CEP350: variants seen among roughly 807,000 people sequenced by gnomAD.
CEP350 encodes the protein centrosomal protein 350, also known as centrosome-associated protein 350.
In CEP350, 126 loss-of-function variants were observed where a neutral mutation model predicts 331.8. That is an observed-to-expected ratio of 0.38 (90% confidence interval 0.33 to 0.44). The LOEUF (loss-of-function observed/expected upper bound fraction) is 0.44. Among genes scored for constraint, CEP350 ranks in the 20% least tolerant of loss-of-function variants. CEP350 has a pLI of 1.00. For missense variants in CEP350, 3,406 were observed against 3,634.6 expected (o/e 0.94, Z 1.62); for synonymous variants, 1,200 against 1,259.5 (o/e 0.95, Z 1.00).
In CEP350 at chr1:180,092,714, G is replaced by T; in HGVS notation, c.6609G>T (p.Gln2203His). ...GGGACAGTCGAACAGAAGATTTTCAGACCCCATCTCCAGTTCTCAGATCAT... is the reference window on the plus strand; with the variant it reads ...GGGACAGTCGAACAGAAGATTTTCATACCCCATCTCCAGTTCTCAGATCAT... ...NEWDSRTEDF[Q>H]TPSPVLRSSR... The change falls in exon 34 of 38, where the codon CAG (glutamine) becomes CAT (histidine). Residue 2203 changes from glutamine (Q) to histidine (H), a missense_variant. Coordinates refer to ENST00000367607, the MANE Select transcript of CEP350 (RefSeq NM_014810.5). 1 of 1,611,568 alleles carries T rather than the reference G, an allele frequency of 6.2e-7. No individual in the cohort carries two copies. The highest frequency in any genetic ancestry group is 8.5e-7 in the Non-Finnish European group (1 of 1,178,596).
Position 180,014,265 on chromosome 1 carries a change from GGA to G in CEP350, c.1814_1815del (p.Glu605GlyfsTer8), listed in dbSNP as rs1244352597. 1 of 1,606,240 alleles carries G rather than the reference GGA, an allele frequency of 6.2e-7. No individual in the cohort carries two copies. Among genetic ancestry groups the G allele is most frequent in the Admixed American group, 1.7e-5 (1 of 58,544 alleles). ...TACGACAGTACATTGTTAGGCAGCA[GGA>G]GGAAAGGAAGAGAAAGCAAAATGAA... ...EVRQYIVRQQ[E>X]ERKRKQNEEK... On this transcript the variant is annotated frameshift_variant, in exon 10 of 38. Transcript: ENST00000367607. LOFTEE classifies it high-confidence loss of function.
At chr1:180,083,808 CAAAAAT>C (rs1049242028) in intron 30 of CEP350, among the ~76,000 whole-genome samples, 49 of 151,326 alleles carry the variant, frequency 3.2e-4, no homozygotes, top group African/African-American at 1.1e-3. Context: ...GGAACCAAGC[CAAAAAT>C]AAAGTGTATG....
intron 37 of CEP350, among the ~76,000 whole-genome samples, chr1:180,107,561 G>A (rs369292925): frequency 3.3e-5 from 5 of 152,092 alleles, no homozygotes; most frequent in Non-Finnish European, 5.9e-5. Context: ...CCAGCTACTC[G>A]GGAGACTGAG....
intron 11 of CEP350, among the ~76,000 whole-genome samples, chr1:180,017,537 T>C (rs762076282): frequency 2.0e-5 from 3 of 152,172 alleles, no homozygotes; most frequent in Non-Finnish European, 4.4e-5. Flanking sequence ...TTATCCAATA[T>C]TAAAAGCAAG....
intron 16 of CEP350, among the ~76,000 whole-genome samples, chr1:180,036,602 C>T (rs1343979297): frequency 1.3e-5 from 2 of 152,088 alleles, no homozygotes; most frequent in Non-Finnish European, 2.9e-5. Context: ...ATTTTTTTAG[C>T]AATACAGTAT....
At chr1:180,047,594 TAAAAATACAA>T (rs1657207731) in intron 21 of CEP350, among the ~76,000 whole-genome samples, 1 of 150,844 alleles carries the variant, frequency 6.6e-6, no homozygotes, top group Non-Finnish European at 1.5e-5. Flanking sequence ...CCATCTCTAC[TAAAAATACAA>T]AAAAAAAATT....
intron 21 of CEP350, among the ~76,000 whole-genome samples, chr1:180,047,186 G>A (rs1657173068): frequency 6.6e-6 from 1 of 152,144 alleles, no homozygotes; most frequent in Admixed American, 6.6e-5. Context: ...GGGCATTTTG[G>A]AAGAGGAAAT....
At chr1:179,962,058 GCT>G (rs1650670405) in intron 1 of CEP350, among the ~76,000 whole-genome samples, 1 of 151,796 alleles carries the variant, frequency 6.6e-6, no homozygotes, top group Non-Finnish European at 1.5e-5. Context: ...TGTTGGCCAG[GCT>G]GGTCTCAAAC....
chr1:179,974,360 G>A (rs968052668), intron 1 of CEP350, among the ~76,000 whole-genome samples: 2 of 152,138 alleles, frequency 1.3e-5, no homozygotes, highest in African/African-American at 2.4e-5. Context: ...GATTACAGGC[G>A]TGAGCCACTG....
chr1:180,103,802 A>C (rs1660968595), intron 37 of CEP350, among the ~76,000 whole-genome samples: 1 of 150,934 alleles, frequency 6.6e-6, no homozygotes, highest in African/African-American at 2.4e-5. Flanking sequence ...ATGGCTCGTA[A>C]CTCCTCCCTT....
intron 30 of CEP350, among the ~76,000 whole-genome samples, chr1:180,081,298 TCAGA>T (rs1659553191): frequency 6.6e-6 from 1 of 152,190 alleles, no homozygotes. Context: ...TTTCCATGTG[TCAGA>T]CAATTATAAA....
At chr1:179,961,970 C>T (rs61826308) in intron 1 of CEP350, among the ~76,000 whole-genome samples, 2,132 of 151,606 alleles carry the variant, frequency 0.014, 23 homozygotes, top group Middle Eastern at 0.024. Flanking sequence ...CTCAGCCTCC[C>T]GAGTAGCTTG....
chr1:180,082,699 AT>A (rs1659650952), intron 30 of CEP350, among the ~76,000 whole-genome samples: 1 of 152,324 alleles, frequency 6.6e-6, no homozygotes, highest in African/African-American at 2.4e-5. Flanking sequence ...ATCACCTGCT[AT>A]TAAATCTTCA....
intron 37 of CEP350, among the ~76,000 whole-genome samples, chr1:180,109,079 C>T (rs1553268659): frequency 6.6e-6 from 1 of 151,606 alleles, no homozygotes; most frequent in Non-Finnish European, 1.5e-5. Flanking sequence ...CTTCTCGTTT[C>T]CTTATAAGGC....
chr1:179,992,336 T>A (rs1653159047), intron 5 of CEP350, 115 bp downstream of exon 5: 2 of 760,722 alleles, frequency 2.6e-6, no homozygotes, highest in Middle Eastern at 3.6e-4. Flanking sequence ...AATAGTATAA[T>A]ACTCTAATAT....
chr1:180,068,230 C>T (rs548267425), intron 27 of CEP350, among the ~76,000 whole-genome samples: 37 of 152,216 alleles, frequency 2.4e-4, no homozygotes, highest in African/African-American at 7.7e-4. Context: ...TTTACTGAGA[C>T]AGTAATGCCT....
chr1:180,051,161 A>G (rs1657473256), intron 22 of CEP350, among the ~76,000 whole-genome samples: 1 of 152,218 alleles, frequency 6.6e-6, no homozygotes, highest in Non-Finnish European at 1.5e-5. Flanking sequence ...GGATAAACAA[A>G]CTGGTACATC....
chr1:180,102,134 ATTTTT>A (rs750296355), intron 37 of CEP350, among the ~76,000 whole-genome samples: 1 of 133,928 alleles, frequency 7.5e-6, no homozygotes, highest in African/African-American at 2.8e-5. Flanking sequence ...CACCCTTGAC[ATTTTT>A]TTTTTTTTTT....
At chr1:180,074,919 C>A in intron 27 of CEP350, 103 bp from the exon 28 acceptor site, 2 of 1,005,324 alleles carry the variant, frequency 2.0e-6, no homozygotes, top group Non-Finnish European at 2.9e-6. Flanking sequence ...GAATGTTCTG[C>A]TTTTGCACAG....
Sources: allele counts gnomAD v4.1 joint callset (sites outside exome capture counted in the v4.1 genomes callset), GRCh38; gene constraint gnomAD v4.1.1; transcripts MANE v1.5; gene names NCBI Gene and HGNC (gene_info 2026-07-23, HGNC 2026-07-21).